Variants in KCNH7 observed in about 807,000 individuals in gnomAD.
KCNH7 encodes the protein voltage-gated inwardly rectifying potassium channel KCNH7.
In KCNH7, 49 loss-of-function variants were observed where a neutral mutation model predicts 120.8. The observed-to-expected ratio is 0.41, with a 90% CI of 0.32 to 0.51. The LOEUF (loss-of-function observed/expected upper bound fraction) is 0.51. Among genes scored for constraint, KCNH7 ranks in the 20% least tolerant of loss-of-function variants. The probability of loss-of-function intolerance (pLI) is 0.38; values close to 1 mark genes in which losing one functional copy is unlikely to be tolerated. For synonymous variants in KCNH7, 547 were observed against 516.1 expected (o/e 1.06, Z -0.81); for missense variants, 1,097 against 1,446.6 (o/e 0.76, Z 3.92).
chr2:162,717,306 G>A (rs1687158411), intron 2 of KCNH7, among the ~76,000 whole-genome samples: 1 of 152,080 alleles, frequency 6.6e-6, no homozygotes, highest in Admixed American at 6.6e-5. Context: ...CCATTTGGCA[G>A]GTGGGGATCC....
chr2:162,736,777 T>A (rs1687926568), intron 2 of KCNH7, among the ~76,000 whole-genome samples: 1 of 152,154 alleles, frequency 6.6e-6, no homozygotes, highest in African/African-American at 2.4e-5. Flanking sequence ...GCAATGGAAC[T>A]TTCTAAAGAA....
intron 2 of KCNH7, among the ~76,000 whole-genome samples, chr2:162,650,097 G>C (rs192349560): frequency 6.6e-6 from 1 of 152,224 alleles, no homozygotes; most frequent in East Asian, 1.9e-4. Flanking sequence ...TCTTTAGTTT[G>C]ATTGTGGGCT....
chr2:162,407,563 G>A (rs1687266359), intron 9 of KCNH7, among the ~76,000 whole-genome samples: 1 of 151,936 alleles, frequency 6.6e-6, no homozygotes, highest in African/African-American at 2.4e-5. Context: ...TTCCGCAAAA[G>A]GCTGACTTAA....
chr2:162,742,213 T>C (rs1459190262), intron 2 of KCNH7, among the ~76,000 whole-genome samples: 2 of 152,138 alleles, frequency 1.3e-5, no homozygotes, highest in African/African-American at 2.4e-5. Context: ...GACCTGGAAA[T>C]GATCTAGAGC....
intron 2 of KCNH7, among the ~76,000 whole-genome samples, chr2:162,814,496 G>A (rs1684849046): frequency 6.6e-6 from 1 of 152,112 alleles, no homozygotes; most frequent in Non-Finnish European, 1.5e-5. Context: ...TCTGTCGTTT[G>A]GAACAAAGAC....
chr2:162,444,117 C>T (rs1295498442), intron 7 of KCNH7, among the ~76,000 whole-genome samples: 2 of 152,164 alleles, frequency 1.3e-5, no homozygotes, highest in African/African-American at 4.8e-5. Flanking sequence ...GCTATCATCA[C>T]AGCATTTACT....
chr2:162,704,105 T>C (rs1686610471), intron 2 of KCNH7, among the ~76,000 whole-genome samples: 2 of 152,088 alleles, frequency 1.3e-5, no homozygotes, highest in South Asian at 4.1e-4. Flanking sequence ...TATGTGAACT[T>C]TTCATATGAG....
At chr2:162,603,659 A>G (rs1200572956) in intron 2 of KCNH7, among the ~76,000 whole-genome samples, 1 of 152,138 alleles carries the variant, frequency 6.6e-6, no homozygotes, top group Non-Finnish European at 1.5e-5. Context: ...AAAGAACTGG[A>G]CATAAAAGGA....
intron 6 of KCNH7, among the ~76,000 whole-genome samples, chr2:162,493,433 T>G (rs1437840717): frequency 6.6e-6 from 1 of 152,246 alleles, no homozygotes; most frequent in Non-Finnish European, 1.5e-5. Flanking sequence ...TCTTAAAGAT[T>G]ATTGGTAAAA....
chr2:162,751,039 A>G (rs1426415573), intron 2 of KCNH7, among the ~76,000 whole-genome samples: 1 of 110,562 alleles, frequency 9.0e-6, no homozygotes, highest in African/African-American at 6.2e-5. Flanking sequence ...AGACAACAAC[A>G]ACCGACTATT....
intron 2 of KCNH7, among the ~76,000 whole-genome samples, chr2:162,764,723 T>C (rs1574357960): frequency 6.6e-6 from 1 of 152,284 alleles, no homozygotes; most frequent in South Asian, 2.1e-4. Flanking sequence ...GCTAAAGACA[T>C]TTGTAAAAAT....
At chr2:162,529,267 CA>C (rs1353034884) in intron 3 of KCNH7, among the ~76,000 whole-genome samples, 1 of 151,794 alleles carries the variant, frequency 6.6e-6, no homozygotes, top group Non-Finnish European at 1.5e-5. Flanking sequence ...AAGCAGCTCC[CA>C]GGGGAGAAAC....
intron 2 of KCNH7, among the ~76,000 whole-genome samples, chr2:162,682,231 A>G (rs2105314516): frequency 6.6e-6 from 1 of 151,866 alleles, no homozygotes; most frequent in East Asian, 1.9e-4. Flanking sequence ...CTGAATGTCC[A>G]TAGGTGCCAG....
Position 162,501,373 on chromosome 2 carries a change from A to T in KCNH7, c.1128+3070T>A, listed in dbSNP as rs1352070. Among the ~76,000 whole-genome samples the T allele has an allele frequency of 2.0e-5, 3 of 152,038 alleles. No homozygotes were observed. In the East Asian group the frequency reaches 5.8e-4, roughly 29 times the overall value. On this transcript the variant is annotated intron_variant, in intron 6 of 15. Coordinates refer to ENST00000332142, the MANE Select transcript of KCNH7 (RefSeq NM_033272.4). ...TTTGAAAAAGGCTTTTGCCTGTATCATACCTCTCCAGTTGGGGTACTTTGG... is the reference window on the plus strand; with the variant it reads ...TTTGAAAAAGGCTTTTGCCTGTATCTTACCTCTCCAGTTGGGGTACTTTGG...
intron 6 of KCNH7, among the ~76,000 whole-genome samples, chr2:162,503,688 G>C (rs977228124): frequency 6.6e-6 from 1 of 151,982 alleles, no homozygotes; most frequent in Non-Finnish European, 1.5e-5. Flanking sequence ...ATATTATAGA[G>C]AGTTTATGCA....
intron 2 of KCNH7, among the ~76,000 whole-genome samples, chr2:162,639,286 T>A (rs954170357): frequency 1.3e-5 from 2 of 152,146 alleles, no homozygotes; most frequent in African/African-American, 4.8e-5. Context: ...TCTCATTCAA[T>A]CCTCACAGTT....
chr2:162,631,212 T>G (rs1338864688), intron 2 of KCNH7, among the ~76,000 whole-genome samples: 4 of 152,106 alleles, frequency 2.6e-5, no homozygotes. Context: ...AGGGTTCTGC[T>G]GCACTTTCAC....
chr2:162,436,590 A>G (rs1288609876), intron 7 of KCNH7, among the ~76,000 whole-genome samples: 2 of 152,162 alleles, frequency 1.3e-5, no homozygotes, highest in Non-Finnish European at 2.9e-5. Flanking sequence ...TAAGTACTAT[A>G]TAATTCACAG....
At chr2:162,719,641 A>G (rs1245247203) in intron 2 of KCNH7, among the ~76,000 whole-genome samples, 1 of 152,048 alleles carries the variant, frequency 6.6e-6, no homozygotes, top group Non-Finnish European at 1.5e-5. Flanking sequence ...TGAAAACCCT[A>G]ATTTTTGCAA....
Sources: gnomAD v4.1 joint callset for allele counts (sites outside exome capture counted in the v4.1 genomes callset) on GRCh38, gnomAD v4.1.1 for gene constraint, MANE v1.5 for transcripts, NCBI Gene and HGNC (gene_info 2026-07-23, HGNC 2026-07-21) for gene names.